The following OARD1 variants were observed in gnomAD, a reference collection of about 807,000 sequenced individuals.
OARD1 encodes the protein ADP-ribose glycohydrolase OARD1.
A neutral mutation model predicts 19.7 loss-of-function variants in OARD1; 19 were observed. The observed-to-expected ratio is 0.96, with a 90% CI of 0.67 to 1.41. OARD1 has a LOEUF of 1.41. Ranked by LOEUF, OARD1 falls within the 40% of genes most tolerant of loss-of-function variation. The probability of loss-of-function intolerance (pLI) is 0.00; values close to 1 mark genes in which losing one functional copy is unlikely to be tolerated. For synonymous variants in OARD1, 70 were observed against 61.8 expected (o/e 1.13, Z -0.62); for missense variants, 190 against 183.8 (o/e 1.03, Z -0.20).
intron 1 of OARD1, chr6:41,092,860 T>G: frequency 3.2e-6 from 5 of 1,548,648 alleles, no homozygotes; most frequent in Non-Finnish European, 4.4e-6. Context: ...AGAAACTGTT[T>G]CTATGTCCAT....
At chr6:41,080,742 G>T in intron 1 of OARD1, 1 of 1,288,532 alleles carries the variant, frequency 7.8e-7, no homozygotes. Flanking sequence ...AAGAGGTAAG[G>T]TGATCTGTGT....
rs1491261633 is a variant in OARD1, at chr6:41,064,911, T to TC, written c.*2423_*2424insG. On this transcript the variant is annotated 3_prime_UTR_variant, in exon 6 of 6. Transcript: ENST00000424266. ...ATGGCAGGATGATGTCAAGTCTCTC[T>TC]TTTTTTTTTTTTAAAGGTTTGTTTG... The TC allele has an allele frequency of 7.0e-6, 1 of 143,814 alleles. No individual in the cohort carries two copies. The highest frequency in any genetic ancestry group is 1.5e-5 in the Non-Finnish European group (1 of 65,256). The allele number at this position is 143,814 out of a possible 1,614,324, so 8.9% of individuals were successfully genotyped here.
upstream of OARD1, chr6:41,075,275 C>T (rs948051347): frequency 1.3e-5 from 2 of 152,214 alleles, no homozygotes; most frequent in African/African-American, 4.8e-5. Context: ...ACCTGGAACT[C>T]CTGGGCTCAA....
Position 41,083,987 on chromosome 6 carries a change from T to G in OARD1, c.-41-12312A>C, listed in dbSNP as rs900537890. On this transcript the variant is annotated intron_variant, in intron 1 of 4. Coordinates refer to the OARD1 transcript ENST00000480585. ...CAGAATAGTTCCAGTGATTGTCTTT[T>G]GGTAAAAACCATTTTGTGTCTTATG... 6.0e-6 allele frequency: 9 copies of G among 1,490,332 alleles called. No individual in the cohort carries two copies. The Admixed American group carries it at 2.0e-4, about 33-fold the overall frequency. The allele number at this position is 1,490,332 out of a possible 1,614,324, so 92.3% of individuals were successfully genotyped here. A position where few individuals can be genotyped will look rare whatever the true frequency, so the allele number is the denominator to read the frequency against.
chr6:41,069,839 T>C (rs1211281810), intron 4 of OARD1: 5 of 576,852 alleles, frequency 8.7e-6, no homozygotes, highest in South Asian at 1.8e-5. Context: ...TGGTACATGA[T>C]ACACGACTTT....
rs967459597 is a variant in OARD1 at position 41,092,364 on chromosome 6, G to A, written c.-42+5349C>T. Among the ~76,000 whole-genome samples, 4 of 152,094 alleles carry A rather than the reference G, an allele frequency of 2.6e-5. No homozygotes were observed. The South Asian group carries it at 6.2e-4, about 24-fold the overall frequency. On this transcript the variant is annotated intron_variant, in intron 1 of 4. Coordinates refer to the OARD1 transcript ENST00000480585. ...CAATGTAGAGAGACCTCGTTTCTAC[G>A]AATTGAATGAAAAATAAATAATTTT... is the stretch of plus-strand genomic sequence containing the variant.
chr6:41,079,558 G>C (rs757206899), intron 1 of OARD1, among the ~76,000 whole-genome samples: 1 of 151,952 alleles, frequency 6.6e-6, no homozygotes, highest in Non-Finnish European at 1.5e-5. Flanking sequence ...TTTTTGATTT[G>C]GTCTGCCACA....
chr6:41,082,086 C>G (rs1030941096), intron 1 of OARD1, among the ~76,000 whole-genome samples: 7 of 152,170 alleles, frequency 4.6e-5, no homozygotes, highest in African/African-American at 1.7e-4. Flanking sequence ...AAAGTAGAAT[C>G]TAGAATGTAG....
intron 1 of OARD1, among the ~76,000 whole-genome samples, chr6:41,084,514 C>T (rs1003119469): frequency 4.0e-5 from 6 of 151,862 alleles, no homozygotes; most frequent in African/African-American, 7.3e-5. Context: ...AATAACAAAA[C>T]GAGCAAAAAG....
intron 1 of OARD1, chr6:41,083,918 T>C (rs1008826332): frequency 1.4e-5 from 12 of 868,750 alleles, no homozygotes; most frequent in African/African-American, 1.0e-4. Flanking sequence ...TTGAGACATA[T>C]ATTTTCTTAG....
chr6:41,093,006 A>AACAATACCAC, intron 1 of OARD1: 1 of 1,614,196 alleles, frequency 6.2e-7, no homozygotes, highest in Non-Finnish European at 8.5e-7. Flanking sequence ...GTGAATGCCA[A>AACAATACCAC]ACAATACCAC....
Position 41,096,741 on chromosome 6 carries a change from C to T in OARD1, c.-42+972G>A, listed in dbSNP as rs189750613. 3.9e-3 allele frequency among the ~76,000 whole-genome samples: 594 copies of T among 152,206 alleles called. 11 individuals carry two copies. In the South Asian group the frequency reaches 0.059, roughly 15 times the overall value. On this transcript the variant is annotated intron_variant, in intron 1 of 4. Transcript: ENST00000480585. ...CCAAGGATTTATCCTTGTGTTAACA[C>T]GGTAGGTCTTAAGTGAGAAACAGCA...
chr6:41,093,106 G>T (rs764640013), intron 1 of OARD1: 1 of 1,604,086 alleles, frequency 6.2e-7, no homozygotes, highest in South Asian at 1.1e-5. Flanking sequence ...CATTGGGAAG[G>T]ATATAGGAAA....
chr6:41,077,218 A>T (rs9381031), upstream of OARD1, among the ~76,000 whole-genome samples: 59,209 of 152,060 alleles, frequency 0.39, 12,174 homozygotes, highest in African/African-American at 0.51. Context: ...CTTATTTTTT[A>T]AAATCAATTT....
At chr6:41,073,041 T>G (rs1392729779), upstream of OARD1, 2 of 154,486 alleles carry the variant, frequency 1.3e-5, no homozygotes, top group Non-Finnish European at 2.9e-5. Context: ...AGTCCGGTAC[T>G]GGAGCCAATC....
At chr6:41,070,812 A>T in intron 3 of OARD1, 1 of 537,572 alleles carries the variant, frequency 1.9e-6, no homozygotes, top group Non-Finnish European at 3.3e-6. Context: ...CTCTTTGAAG[A>T]GAAAGCAGAA....
chr6:41,091,886 T>C (rs761219638), intron 1 of OARD1, among the ~76,000 whole-genome samples: 6 of 152,188 alleles, frequency 3.9e-5, no homozygotes, highest in Non-Finnish European at 7.4e-5. Flanking sequence ...CCAGGGACTA[T>C]TCACCAGGGA....
chr6:41,081,700 ATCTTGTTAATC>A lies in OARD1; in HGVS notation c.-41-10036_-41-10026del, dbSNP rs541592742. Among the ~76,000 whole-genome samples the A allele has an allele frequency of 6.1e-3, 928 of 152,292 alleles. 9 individuals are homozygous for A. The highest frequency in any genetic ancestry group is 0.021 in the African/African-American group (855 of 41,564). On this transcript the variant is annotated intron_variant, in intron 1 of 4. Transcript: ENST00000480585. ...TTGGCAAGGTTTATCTAAGCACTGA[ATCTTGTTAATC>A]TCTTGTTAACTGCTATTGTTTCCAC...
intron 1 of OARD1, chr6:41,093,183 A>T: frequency 9.4e-7 from 1 of 1,062,580 alleles, no homozygotes; most frequent in East Asian, 2.6e-5. Context: ...GTACCTTCCA[A>T]ACAATTGACG....
Sources: gnomAD v4.1 joint callset for allele counts (sites outside exome capture counted in the v4.1 genomes callset) on GRCh38, gnomAD v4.1.1 for gene constraint, MANE v1.5 for transcripts, NCBI Gene and HGNC (gene_info 2026-07-23, HGNC 2026-07-21) for gene names.